The following SPEF2 variants were observed in gnomAD, a reference collection of about 807,000 sequenced individuals.
The protein encoded by SPEF2 is sperm flagellar and cilia associated 2.
In SPEF2, 187 loss-of-function variants were observed where a neutral mutation model predicts 224.6. That is an observed-to-expected ratio of 0.83 (90% CI 0.74 to 0.94). The LOEUF (loss-of-function observed/expected upper bound fraction) is 0.94, where lower values mean the gene tolerates loss of function less well. Among genes scored for constraint, SPEF2 ranks in the 40% least tolerant of loss-of-function variants. The pLI, the probability that SPEF2 is intolerant of heterozygous loss-of-function variation, is 0.00. For synonymous variants in SPEF2, 715 were observed against 707.3 expected (o/e 1.01, Z -0.17); for missense variants, 2,170 against 2,135.6 (o/e 1.02, Z -0.32).
chr5:35,658,917 A>T, intron 7 of SPEF2, 102 bp from the exon 8 acceptor site: 1 of 828,348 alleles, frequency 1.2e-6, no homozygotes, highest in Non-Finnish European at 1.7e-6. Flanking sequence ...AAACTGATTT[A>T]GATGAACATT....
intron 1 of SPEF2, 79 bp from the exon 2 acceptor site, chr5:35,628,381 G>A (rs1744571042): frequency 2.4e-6 from 2 of 829,718 alleles, no homozygotes; most frequent in Admixed American, 4.8e-5. Flanking sequence ...AGTTTTTAGT[G>A]TATGTATATT....
intron 21 of SPEF2, among the ~76,000 whole-genome samples, chr5:35,735,043 C>T (rs951058259): frequency 1.3e-5 from 2 of 152,008 alleles, no homozygotes; most frequent in Non-Finnish European, 2.9e-5. Context: ...ATTAAGTTGC[C>T]TAGGTCTTTA....
In SPEF2 at chr5:35,709,375, C is replaced by T. The variant is rs897812820; in HGVS notation, c.2839+254C>T. The T allele has an allele frequency of 9.6e-6, 12 of 1,247,648 alleles. No individual in the cohort carries two copies. In the Admixed American group the frequency reaches 1.2e-4, roughly 13 times the overall value. 77.3% of individuals were successfully genotyped at this position (1,247,648 alleles called of 1,614,324 possible). On this transcript the variant is annotated intron_variant, in intron 19 of 36. Coordinates refer to ENST00000356031, the MANE Select transcript of SPEF2 (RefSeq NM_024867.4). ...AGGTCTACTGATTAGAGTAAGACCA[C>T]AGACGAGAAGAGGAAAAGGCACAGA...
intron 23 of SPEF2, among the ~76,000 whole-genome samples, chr5:35,747,595 T>C (rs1373943279): frequency 6.6e-6 from 1 of 152,012 alleles, no homozygotes; most frequent in Admixed American, 6.6e-5. Context: ...AAGAGGGACA[T>C]TATATAACGG....
At chr5:35,747,082 A>G (rs1207298378) in intron 23 of SPEF2, among the ~76,000 whole-genome samples, 3 of 152,206 alleles carry the variant, frequency 2.0e-5, no homozygotes, top group African/African-American at 2.4e-5. Context: ...AGCATCGTAT[A>G]TGAAGGAAAG....
At chr5:35,784,694 G>T (rs1754856858) in intron 30 of SPEF2, among the ~76,000 whole-genome samples, 1 of 152,124 alleles carries the variant, frequency 6.6e-6, no homozygotes, top group African/African-American at 2.4e-5. Flanking sequence ...GACATATTGA[G>T]GGAACTGTGA....
Position 35,792,444 on chromosome 5 carries a change from G to A in SPEF2, c.4552G>A (p.Glu1518Lys). 6.2e-7 allele frequency: 1 copy of A among 1,612,874 alleles called. No homozygotes were observed. Among genetic ancestry groups the A allele is most frequent in the Non-Finnish European group, 8.5e-7 (1 of 1,179,072 alleles). The change falls in exon 31 of 37, where the codon GAA becomes AAA. Residue 1518 changes from glutamate to lysine, a missense_variant and splice_region_variant. Glu to Lys is a moderately conservative substitution (Grantham distance 56). Coordinates refer to ENST00000356031, the MANE Select transcript of SPEF2 (RefSeq NM_024867.4). ...TAATTGGATGCACCTTACCCAACCT[G>A]AAGTAAGCTTCTATGTTGTTTGAGT... ...PSNWMHLTQP[E>K]LQELTSLLTV...
intron 20 of SPEF2, among the ~76,000 whole-genome samples, chr5:35,717,794 G>T (rs1327901284): frequency 6.6e-6 from 1 of 152,128 alleles, no homozygotes; most frequent in Admixed American, 6.5e-5. Context: ...GTTTCTCCAG[G>T]GACCCCCTGC....
At chr5:35,628,320 G>T in intron 1 of SPEF2, 140 bp from the exon 2 acceptor site, 1 of 460,654 alleles carries the variant, frequency 2.2e-6, no homozygotes, top group Non-Finnish European at 3.8e-6. Context: ...GTTATTAAAA[G>T]ATGTTTCTAG....
At chr5:35,669,917 G>A in intron 9 of SPEF2, 142 bp from the exon 10 acceptor site, 1 of 638,032 alleles carries the variant, frequency 1.6e-6, no homozygotes, top group Non-Finnish European at 2.6e-6. Flanking sequence ...TTGCACATAT[G>A]GTAACCTTTA....
At chr5:35,621,500 A>G (rs1261003857) in intron 1 of SPEF2, among the ~76,000 whole-genome samples, 2 of 152,204 alleles carry the variant, frequency 1.3e-5, no homozygotes, top group East Asian at 3.8e-4. Flanking sequence ...AAACTTAGGC[A>G]TGAATATATA....
chr5:35,735,734 A>C (rs887241377), intron 21 of SPEF2, among the ~76,000 whole-genome samples: 1 of 152,206 alleles, frequency 6.6e-6, no homozygotes, highest in African/African-American at 2.4e-5. Flanking sequence ...ATTCATTTAG[A>C]TTATTTCTTG....
chr5:35,791,349 C>T (rs556626938), intron 30 of SPEF2, among the ~76,000 whole-genome samples: 7 of 152,194 alleles, frequency 4.6e-5, no homozygotes, highest in African/African-American at 1.2e-4. Context: ...GTATTTGATT[C>T]GAAGCACTGA....
rs1454559922 is a variant in SPEF2 at position 35,807,832 on chromosome 5, A to G, written c.5379+579A>G. 9.2e-6 allele frequency: 14 copies of G among 1,527,068 alleles called. No individual in the cohort carries two copies. The African/African-American group carries it at 9.6e-5, about 10-fold the overall frequency. The allele number at this position is 1,527,068 out of a possible 1,614,324, so 94.6% of individuals were successfully genotyped here. The stretch of plus-strand genomic sequence containing the variant: ...AAGCAGGTCTGGACCACACATGCTA[A>G]ATGTGCATCCACTATGGCGAGTCCC... On this transcript the variant is annotated intron_variant, in intron 36 of 36. Transcript: ENST00000356031.
At chr5:35,732,284 C>T (rs1198034786) in intron 21 of SPEF2, among the ~76,000 whole-genome samples, 1 of 152,094 alleles carries the variant, frequency 6.6e-6, no homozygotes, top group South Asian at 2.1e-4. Flanking sequence ...TAATTCAGTT[C>T]GACCCATTCT....
chr5:35,806,652 C>T, intron 34 of SPEF2, 55 bp from the exon 35 acceptor site: 1 of 1,568,226 alleles, frequency 6.4e-7, no homozygotes, highest in Non-Finnish European at 8.6e-7. Flanking sequence ...TAAAAGTCTC[C>T]ATTGGTGGAA....
intron 30 of SPEF2, chr5:35,790,626 T>C: frequency 3.4e-6 from 1 of 292,706 alleles, no homozygotes; most frequent in Non-Finnish European, 6.2e-6. Context: ...AGCTGTATGC[T>C]GCTACACAAT....
At chr5:35,794,065 A>G (rs942045466) in intron 32 of SPEF2, among the ~76,000 whole-genome samples, 2 of 152,226 alleles carry the variant, frequency 1.3e-5, no homozygotes, top group Non-Finnish European at 2.9e-5. Flanking sequence ...TGGTGGAATA[A>G]TAAGTACAGA....
At chr5:35,644,587 C>A in intron 4 of SPEF2, 62 bp downstream of exon 4, 1 of 1,308,002 alleles carries the variant, frequency 7.6e-7, no homozygotes, top group Non-Finnish European at 1.0e-6. Flanking sequence ...GTGATTTATG[C>A]GTATAGTACA....
Sources: allele counts gnomAD v4.1 joint callset (sites outside exome capture counted in the v4.1 genomes callset), GRCh38; gene constraint gnomAD v4.1.1; transcripts MANE v1.5; gene names NCBI Gene and HGNC (gene_info 2026-07-23, HGNC 2026-07-21).